CDH9: variants seen among roughly 807,000 people sequenced by gnomAD.
CDH9 encodes the protein cadherin 9.
Under a neutral mutation model 70.9 loss-of-function variants are expected in CDH9, and 28 were observed. The observed-to-expected ratio is 0.40, with a 90% CI of 0.29 to 0.54. CDH9 has a LOEUF of 0.54. CDH9 is among the 20% of genes least tolerant of loss of function. The pLI, the probability that CDH9 is intolerant of heterozygous loss-of-function variation, is 0.59. For synonymous variants in CDH9, 409 were observed against 343.1 expected (o/e 1.19, Z -2.12); for missense variants, 874 against 984.4 (o/e 0.89, Z 1.50).
chr5:27,024,590 T>C (rs1479300934), intron 1 of CDH9, among the ~76,000 whole-genome samples: 1 of 152,104 alleles, frequency 6.6e-6, no homozygotes, highest in African/African-American at 2.4e-5. Context: ...TGAGTATATA[T>C]TTGAGTGAAT....
intron 3 of CDH9, among the ~76,000 whole-genome samples, chr5:26,908,755 A>G (rs1579676923): frequency 6.6e-6 from 1 of 152,206 alleles, no homozygotes; most frequent in Non-Finnish European, 1.5e-5. Context: ...AGCTAAAAGC[A>G]CACATAAAAT....
At chr5:26,947,723 G>A (rs1741778149) in intron 2 of CDH9, among the ~76,000 whole-genome samples, 1 of 152,116 alleles carries the variant, frequency 6.6e-6, no homozygotes, top group African/African-American at 2.4e-5. Context: ...CATGGCATGA[G>A]GGAGAATTTC....
chr5:26,962,434 G>A lies in CDH9; in HGVS notation c.228+25672C>T, dbSNP rs149896299. On this transcript the variant is annotated intron_variant, in intron 2 of 11. Coordinates refer to ENST00000231021, the MANE Select transcript of CDH9 (RefSeq NM_016279.4). ...AATGGTTGAATTAATTTACACTCGC[G>A]CCAACAGTGTAAAAGCATTCCTATT... Among the ~76,000 whole-genome samples the A allele has an allele frequency of 9.2e-4, 140 of 152,178 alleles. 3 individuals are homozygous for A. Among genetic ancestry groups the A allele is most frequent in the African/African-American group, 2.6e-3 (106 of 41,532 alleles).
chr5:26,950,036 A>T (rs937710121), intron 2 of CDH9, among the ~76,000 whole-genome samples: 2 of 152,206 alleles, frequency 1.3e-5, no homozygotes, highest in Non-Finnish European at 2.9e-5. Context: ...GTGGGACATC[A>T]GAGTGAATTG....
intron 2 of CDH9, among the ~76,000 whole-genome samples, chr5:26,942,203 G>T (rs2012191): frequency 2.6e-5 from 4 of 152,020 alleles, no homozygotes; most frequent in Non-Finnish European, 5.9e-5. Flanking sequence ...AGGGAAAAAG[G>T]CTCTTATAAA....
intron 2 of CDH9, among the ~76,000 whole-genome samples, chr5:26,923,987 C>T (rs1741292633): frequency 6.6e-6 from 1 of 151,592 alleles, no homozygotes; most frequent in Admixed American, 6.6e-5. Context: ...CATCATAAGA[C>T]ACTGAAAAAG....
chr5:26,943,109 A>G (rs1358580922), intron 2 of CDH9, among the ~76,000 whole-genome samples: 1 of 152,218 alleles, frequency 6.6e-6, no homozygotes, highest in Non-Finnish European at 1.5e-5. Context: ...AGATACTTTA[A>G]GAAAACTAAG....
At chr5:27,038,091 T>A (rs530684119) in intron 1 of CDH9, among the ~76,000 whole-genome samples, 1 of 152,080 alleles carries the variant, frequency 6.6e-6, no homozygotes, top group Admixed American at 6.6e-5. Flanking sequence ...ATTAATATAA[T>A]AATCACATAC....
chr5:26,889,201 G>A (rs1486795167), intron 9 of CDH9, among the ~76,000 whole-genome samples: 1 of 148,340 alleles, frequency 6.7e-6, no homozygotes, highest in Non-Finnish European at 1.5e-5. Flanking sequence ...TAAAATTTAT[G>A]CAGTTACTGT....
chr5:26,914,091 A>G, intron 3 of CDH9, among the ~76,000 whole-genome samples: 1 of 151,980 alleles, frequency 6.6e-6, no homozygotes. Context: ...AAAGTTTCTC[A>G]TATTCAAATA....
rs140847612 is a variant in CDH9, at chr5:26,964,121, G to C, written c.228+23985C>G. ...CTCTCATACTGTTTTATACTTTATT[G>C]TTTTGTTCAAGAAAAGACTCTTATC... On this transcript the variant is annotated intron_variant, in intron 2 of 11. Coordinates refer to ENST00000231021, the MANE Select transcript of CDH9 (RefSeq NM_016279.4). 1.8e-3 allele frequency among the ~76,000 whole-genome samples: 182 copies of C among 103,420 alleles called. 3 individuals carry two copies. Among genetic ancestry groups the C allele is most frequent in the African/African-American group, 4.5e-3 (172 of 37,866 alleles). 67.8% of individuals were successfully genotyped at this position (103,420 alleles called of 152,430 possible).
intron 1 of CDH9, among the ~76,000 whole-genome samples, chr5:27,026,589 G>A (rs1368186140): frequency 6.6e-6 from 1 of 151,750 alleles, no homozygotes; most frequent in African/African-American, 2.4e-5. Flanking sequence ...ACCTTCTTGT[G>A]ATTAAAAACT....
chr5:26,939,715 A>G (rs576953399), intron 2 of CDH9, among the ~76,000 whole-genome samples: 1 of 152,252 alleles, frequency 6.6e-6, no homozygotes, highest in South Asian at 2.1e-4. Flanking sequence ...ACATACTTCT[A>G]AGTATATTTA....
intron 2 of CDH9, among the ~76,000 whole-genome samples, chr5:26,925,900 G>A (rs1402674221): frequency 6.6e-6 from 1 of 151,986 alleles, no homozygotes; most frequent in Non-Finnish European, 1.5e-5. Flanking sequence ...CAGCCTTCAT[G>A]CTAAAAACTC....
chr5:26,971,429 A>C (rs1049685879), intron 2 of CDH9, among the ~76,000 whole-genome samples: 1 of 152,190 alleles, frequency 6.6e-6, no homozygotes, highest in Non-Finnish European at 1.5e-5. Context: ...ATACCTGCTT[A>C]GTAGGATCAG....
At chr5:26,903,973 A>C (rs1013133887) in intron 5 of CDH9, 149 bp from the exon 6 acceptor site, 1 of 539,272 alleles carries the variant, frequency 1.9e-6, no homozygotes, top group Non-Finnish European at 3.2e-6. Flanking sequence ...TATATTTATT[A>C]ATTTGGAAAA....
intron 2 of CDH9, among the ~76,000 whole-genome samples, chr5:26,928,811 T>A (rs1741390487): frequency 1.3e-5 from 2 of 151,954 alleles, no homozygotes; most frequent in Admixed American, 1.3e-4. Flanking sequence ...GAAACTAGAC[T>A]CCTATCTCTC....
chr5:26,990,466 C>A (rs898277171), intron 1 of CDH9, among the ~76,000 whole-genome samples: 3 of 152,106 alleles, frequency 2.0e-5, no homozygotes, highest in African/African-American at 4.8e-5. Context: ...ATGCTGAAAT[C>A]TCAGGTCATG....
intron 2 of CDH9, among the ~76,000 whole-genome samples, chr5:26,917,943 T>C (rs1167132380): frequency 1.3e-5 from 2 of 152,178 alleles, no homozygotes; most frequent in African/African-American, 4.8e-5. Flanking sequence ...TGGTGTTATA[T>C]TGGCCTGTGG....
Sources: allele counts gnomAD v4.1 joint callset (sites outside exome capture counted in the v4.1 genomes callset), GRCh38; gene constraint gnomAD v4.1.1; transcripts MANE v1.5; gene names NCBI Gene and HGNC (gene_info 2026-07-23, HGNC 2026-07-21).